The following NCKAP5 variants were observed in gnomAD, a reference collection of about 807,000 sequenced individuals.
The protein encoded by NCKAP5 is nck-associated protein 5.
In NCKAP5, 92 loss-of-function variants were observed where a neutral mutation model predicts 167.0. The ratio of observed to expected loss-of-function variants is 0.55; its 90% CI spans 0.47 to 0.66. NCKAP5 has a LOEUF of 0.66. Ranked by LOEUF, NCKAP5 falls within the 30% of genes least tolerant of loss-of-function variation. The pLI is 0.00. For synonymous variants in NCKAP5, 891 were observed against 877.4 expected, an observed-to-expected ratio of 1.02 and a Z score of -0.27; for missense variants, 2,378 against 2,315.0, an observed-to-expected ratio of 1.03 and a Z score of -0.56.
chr2:133,368,934 C>A (rs1011305809), intron 3 of NCKAP5, among the ~76,000 whole-genome samples: 1 of 152,116 alleles, frequency 6.6e-6, no homozygotes. Context: ...AAGACAGATA[C>A]GCTTTGAAAA....
chr2:133,105,951 A>T (rs1463347495), intron 6 of NCKAP5, among the ~76,000 whole-genome samples: 1 of 152,056 alleles, frequency 6.6e-6, no homozygotes, highest in Non-Finnish European at 1.5e-5. Context: ...AAGCCAAAAT[A>T]TTACCATATG....
chr2:133,074,441 C>T (rs1228544556), intron 6 of NCKAP5, among the ~76,000 whole-genome samples: 1 of 152,102 alleles, frequency 6.6e-6, no homozygotes, highest in Non-Finnish European at 1.5e-5. Context: ...CTCACTGCAG[C>T]CTCGACCTCC....
At chr2:133,600,499 A>T in the NCKAP5 span, among the ~76,000 whole-genome samples, 1 of 152,212 alleles carries the variant, frequency 6.6e-6, no homozygotes, top group East Asian at 1.9e-4. Flanking sequence ...CGCCTTTGAG[A>T]AATGCTCACG....
At chr2:133,520,958 G>A (rs185284152) in intron 2 of NCKAP5, among the ~76,000 whole-genome samples, 3 of 152,256 alleles carry the variant, frequency 2.0e-5, no homozygotes. Context: ...CTCCAAGAAG[G>A]TGAAAATTTG....
intron 6 of NCKAP5, among the ~76,000 whole-genome samples, chr2:133,085,870 T>C (rs944997233): frequency 3.3e-5 from 5 of 151,846 alleles, no homozygotes; most frequent in African/African-American, 1.2e-4. Flanking sequence ...TGGGGACAAG[T>C]AGATGAGAAA....
chr2:132,952,027 A>G (rs2076203720), intron 8 of NCKAP5, among the ~76,000 whole-genome samples: 1 of 152,232 alleles, frequency 6.6e-6, no homozygotes, highest in Non-Finnish European at 1.5e-5. Flanking sequence ...TAAGGATTAA[A>G]ATGCTTAATT....
rs1445296117 is a variant in NCKAP5 at position 132,945,029 on chromosome 2, A to G, written c.579+18691T>C. Among the ~76,000 whole-genome samples the G allele has an allele frequency of 4.6e-5, 7 of 152,266 alleles. No individual in the cohort carries two copies. In the East Asian group the frequency reaches 1.4e-3, roughly 29 times the overall value. On this transcript the variant is annotated intron_variant, in intron 8 of 19. Transcript: ENST00000409261. ...AAGGCCTTGTGCTCTGGGTCCCACA[A>G]CAGAGAAAAGACTTCTAGGGAGCTT...
At chr2:133,249,493 T>C (rs557967537) in intron 4 of NCKAP5, among the ~76,000 whole-genome samples, 1 of 152,280 alleles carries the variant, frequency 6.6e-6, no homozygotes, top group South Asian at 2.1e-4. Context: ...ATTTCTTTTG[T>C]CTCAAGCCAG....
chr2:133,303,332 C>T (rs1351452020), intron 3 of NCKAP5, among the ~76,000 whole-genome samples: 1 of 152,218 alleles, frequency 6.6e-6, no homozygotes, highest in African/African-American at 2.4e-5. Context: ...ACTGTCATTA[C>T]ACTGAGTCAG....
chr2:132,840,926 G>T (rs1327462733), intron 11 of NCKAP5, among the ~76,000 whole-genome samples: 1 of 151,718 alleles, frequency 6.6e-6, no homozygotes, highest in East Asian at 1.9e-4. Flanking sequence ...TGTATAATTG[G>T]ACCCATGCAT....
chr2:133,650,752 G>A, the NCKAP5 span, among the ~76,000 whole-genome samples: 5 of 152,132 alleles, frequency 3.3e-5, no homozygotes, highest in South Asian at 1.0e-3. Context: ...CGTGGTGGTG[G>A]GCGCCTGTAA....
rs58153344 is a variant in NCKAP5, at chr2:132,755,816, G to A, written c.5128+18000C>T. Among the ~76,000 whole-genome samples, 2,425 of 144,974 alleles carry A rather than the reference G, an allele frequency of 0.017. 90 individuals carry two copies. In the East Asian group the frequency reaches 0.17, roughly 10 times the overall value. ...GCTACACTCCAGCCTGGGTGACAGA[G>A]CGAGATTCTGTCTCAGAAAAAAAAA... is the stretch of plus-strand genomic sequence containing the variant. On this transcript the variant is annotated intron_variant, in intron 16 of 19. Coordinates refer to ENST00000409261, the MANE Select transcript of NCKAP5 (RefSeq NM_207363.3).
At chr2:133,339,255 C>G (rs1683416547) in intron 3 of NCKAP5, among the ~76,000 whole-genome samples, 1 of 152,042 alleles carries the variant, frequency 6.6e-6, no homozygotes, top group Non-Finnish European at 1.5e-5. Flanking sequence ...GAAAGAATCT[C>G]CTAGAAATAA....
At chr2:133,624,713 C>T in the NCKAP5 span, among the ~76,000 whole-genome samples, 1 of 152,190 alleles carries the variant, frequency 6.6e-6, no homozygotes. Context: ...TATTATGATG[C>T]TGTTTGAGTA....
chr2:133,202,621 T>A (rs2085749464), intron 5 of NCKAP5, among the ~76,000 whole-genome samples: 1 of 151,788 alleles, frequency 6.6e-6, no homozygotes, highest in Non-Finnish European at 1.5e-5. Context: ...TGGGAGAAAA[T>A]TTTTGCAATC....
At chr2:133,132,058 C>T (rs1214769542) in intron 5 of NCKAP5, among the ~76,000 whole-genome samples, 1 of 151,836 alleles carries the variant, frequency 6.6e-6, no homozygotes, top group African/African-American at 2.4e-5. Context: ...GGGAGGCTGA[C>T]ACGGGTGGAT....
intron 4 of NCKAP5, among the ~76,000 whole-genome samples, chr2:133,217,595 G>T (rs180995866): frequency 1.3e-4 from 20 of 152,144 alleles, no homozygotes; most frequent in African/African-American, 4.8e-4. Context: ...CATTTTTGCA[G>T]GTGGTCAGTT....
At chr2:133,512,593 A>C (rs543959453) in intron 3 of NCKAP5, among the ~76,000 whole-genome samples, 1 of 152,340 alleles carries the variant, frequency 6.6e-6, no homozygotes, top group East Asian at 1.9e-4. Flanking sequence ...TACTATCTGG[A>C]ACTTTATAGA....
intron 4 of NCKAP5, among the ~76,000 whole-genome samples, chr2:133,269,806 T>C (rs140685550): frequency 4.0e-4 from 61 of 152,300 alleles, no homozygotes; most frequent in African/African-American, 1.4e-3. Context: ...TATTAGGCTA[T>C]TGCAAGAATC....
Sources: allele counts gnomAD v4.1 joint callset (sites outside exome capture counted in the v4.1 genomes callset), GRCh38; gene constraint gnomAD v4.1.1; transcripts MANE v1.5; gene names NCBI Gene and HGNC (gene_info 2026-07-23, HGNC 2026-07-21).